KDM4B: variants seen among roughly 807,000 people sequenced by gnomAD.
The protein encoded by KDM4B is lysine demethylase 4B.
A neutral mutation model predicts 125.2 loss-of-function variants in KDM4B; 32 were observed. The observed-to-expected ratio is 0.26, with a 90% CI of 0.19 to 0.34. The LOEUF is 0.34. Among genes scored for constraint, KDM4B ranks in the 10% least tolerant of loss-of-function variants. KDM4B has a pLI of 1.00. For missense variants in KDM4B, 1,190 were observed against 1,577.7 expected (o/e 0.75, Z 4.16); for synonymous variants, 721 against 677.9 (o/e 1.06, Z -0.99).
At chr19:5,014,573 C>A (rs1293351830) in intron 1 of KDM4B, among the ~76,000 whole-genome samples, 3 of 152,000 alleles carry the variant, frequency 2.0e-5, no homozygotes, top group Non-Finnish European at 4.4e-5. Context: ...CCGCGCCTGG[C>A]CTAAGTTTTA....
intron 6 of KDM4B, among the ~76,000 whole-genome samples, chr19:5,069,032 G>A (rs2037864354): frequency 6.6e-6 from 1 of 152,036 alleles, no homozygotes; most frequent in South Asian, 2.1e-4. Flanking sequence ...TGTGCGGAGG[G>A]GTCTTTAATC....
At chr19:4,995,576 G>T (rs887874640) in intron 1 of KDM4B, among the ~76,000 whole-genome samples, 5 of 152,112 alleles carry the variant, frequency 3.3e-5, no homozygotes, top group African/African-American at 1.2e-4. Flanking sequence ...TCTGTGCCTG[G>T]CCGAGGCTTG....
At chr19:5,038,950 C>T (rs1171573295) in intron 3 of KDM4B, among the ~76,000 whole-genome samples, 1 of 152,236 alleles carries the variant, frequency 6.6e-6, no homozygotes, top group African/African-American at 2.4e-5. Context: ...TTTCCTAGCT[C>T]CTAGAACTTG....
rs117016064 is a variant in KDM4B at position 4,978,083 on chromosome 19, T to C, written c.-109+8853T>C. On this transcript the variant is annotated intron_variant, in intron 1 of 22. Coordinates refer to ENST00000159111, the MANE Select transcript of KDM4B (RefSeq NM_015015.3). ...TGTCTTGCTCAGGAGAGAGAGAAGA[T>C]TGCCGTCCCTAGCATGCACTTGAGT... is the stretch of plus-strand genomic sequence containing the variant. Among the ~76,000 whole-genome samples the C allele has an allele frequency of 5.4e-3, 819 of 152,254 alleles. 22 individuals are homozygous for C. Among genetic ancestry groups the C allele is most frequent in the Admixed American group, 0.033 (502 of 15,296 alleles).
At chr19:4,984,774 G>A (rs1056697749) in intron 1 of KDM4B, among the ~76,000 whole-genome samples, 1 of 152,172 alleles carries the variant, frequency 6.6e-6, no homozygotes, top group African/African-American at 2.4e-5. Context: ...CTGTCCCCTG[G>A]CTCGGACAGA....
At chr19:4,994,565 CAAAAAA>C (rs397820720) in intron 1 of KDM4B, among the ~76,000 whole-genome samples, 27 of 45,694 alleles carry the variant, frequency 5.9e-4, no homozygotes, top group African/African-American at 1.5e-3. Flanking sequence ...CTCTGTCTCT[CAAAAAA>C]AAAAAAAAAA....
chr19:5,092,564 C>G (rs1021099698), intron 9 of KDM4B, among the ~76,000 whole-genome samples: 2 of 152,152 alleles, frequency 1.3e-5, no homozygotes, highest in African/African-American at 2.4e-5. Context: ...GCTCGAGGGC[C>G]TTTGCCAGCT....
Position 4,990,609 on chromosome 19 carries a change from T to C in KDM4B, c.-109+21379T>C, listed in dbSNP as rs367848610. The stretch of plus-strand genomic sequence containing the variant: ...TGTTTTAATACTGTCATTATGGAAG[T>C]TGGCCTGGGGGTAATCCAGTGTCTC... On this transcript the variant is annotated intron_variant, in intron 1 of 22. Transcript: ENST00000159111. Among the ~76,000 whole-genome samples the C allele has an allele frequency of 2.8e-4, 43 of 152,318 alleles. No individual in the cohort carries two copies. The South Asian group carries it at 8.1e-3, about 29-fold the overall frequency.
At chr19:4,990,703 A>G (rs749854661) in intron 1 of KDM4B, among the ~76,000 whole-genome samples, 5 of 152,196 alleles carry the variant, frequency 3.3e-5, no homozygotes, top group Admixed American at 6.5e-5. Context: ...TTTGGGGAGA[A>G]TATTCGATGA....
intron 1 of KDM4B, among the ~76,000 whole-genome samples, chr19:4,975,970 C>G (rs950982102): frequency 6.6e-6 from 1 of 150,590 alleles, no homozygotes; most frequent in Non-Finnish European, 1.5e-5. Context: ...TGGGGCATGG[C>G]CGGGTGCGGT....
intron 9 of KDM4B, among the ~76,000 whole-genome samples, chr19:5,106,502 C>T (rs530133178): frequency 5.3e-5 from 8 of 152,154 alleles, no homozygotes; most frequent in Non-Finnish European, 7.4e-5. Flanking sequence ...GAGTAGGGGC[C>T]GTGATGCTGA....
At chr19:5,001,746 C>T (rs578210253) in intron 1 of KDM4B, among the ~76,000 whole-genome samples, 4 of 152,318 alleles carry the variant, frequency 2.6e-5, no homozygotes, top group East Asian at 1.9e-4. Context: ...TGTTTCATGT[C>T]TAAATACTTG....
intron 9 of KDM4B, among the ~76,000 whole-genome samples, chr19:5,085,379 G>A (rs1297412809): frequency 2.6e-5 from 4 of 152,208 alleles, no homozygotes; most frequent in African/African-American, 7.2e-5. Flanking sequence ...AGGACACCAC[G>A]GGTGTTGTGA....
intron 1 of KDM4B, among the ~76,000 whole-genome samples, chr19:5,004,754 G>A (rs917462419): frequency 6.6e-6 from 1 of 152,158 alleles, no homozygotes; most frequent in Non-Finnish European, 1.5e-5. Context: ...AATGGTCACA[G>A]GTGGGCAGTA....
rs560213282 is a variant in KDM4B, at chr19:4,991,446, G to A, written c.-109+22216G>A. On this transcript the variant is annotated intron_variant, in intron 1 of 22. Transcript: ENST00000159111. ...CTGGGCAACACAGTGAGACCCTGTC[G>A]CTACAAAAGCAAAAATAAGAATGAA... Among the ~76,000 whole-genome samples, 11 of 152,254 alleles carry A rather than the reference G, an allele frequency of 7.2e-5. No homozygotes were observed. In the South Asian group the frequency reaches 2.3e-3, roughly 32 times the overall value.
chr19:5,047,757 C>A, intron 6 of KDM4B, 88 bp downstream of exon 6: 1 of 1,369,028 alleles, frequency 7.3e-7, no homozygotes, highest in Non-Finnish European at 1.0e-6. Context: ...GGCGCCGTGG[C>A]AGGGGCCCCA....
At chr19:5,001,343 C>T (rs2035378128) in intron 1 of KDM4B, among the ~76,000 whole-genome samples, 1 of 152,138 alleles carries the variant, frequency 6.6e-6, no homozygotes, top group African/African-American at 2.4e-5. Context: ...TTCTTTCGCA[C>T]GTGAAAGTGG....
intron 9 of KDM4B, among the ~76,000 whole-genome samples, chr19:5,089,134 G>C (rs142178115): frequency 6.6e-6 from 1 of 152,334 alleles, no homozygotes; most frequent in East Asian, 1.9e-4. Flanking sequence ...CCCACTCTGT[G>C]AATACACAAG....
Position 4,969,161 on chromosome 19 carries a change from G to T in KDM4B, c.-178G>T, listed in dbSNP as rs947722957. ...GCGGGGCCCGGCCCGAGCGGGGCCTGGGGGTGCGACGCCGAGGGCGGGGGA... is the reference window on the plus strand; with the variant it reads ...GCGGGGCCCGGCCCGAGCGGGGCCTTGGGGTGCGACGCCGAGGGCGGGGGA... On this transcript the variant is annotated 5_prime_UTR_variant, in exon 1 of 23. Coordinates refer to ENST00000159111, the MANE Select transcript of KDM4B (RefSeq NM_015015.3). 2.0e-5 allele frequency: 3 copies of T among 150,608 alleles called. No individual in the cohort carries two copies. Among genetic ancestry groups the T allele is most frequent in the Non-Finnish European group, 4.4e-5 (3 of 67,634 alleles). The allele number at this position is 150,608 out of a possible 1,614,324, so 9.3% of individuals were successfully genotyped here. A position where few individuals can be genotyped will look rare whatever the true frequency, so the allele number is the denominator to read the frequency against.
Sources: allele counts gnomAD v4.1 joint callset (sites outside exome capture counted in the v4.1 genomes callset), GRCh38; gene constraint gnomAD v4.1.1; transcripts MANE v1.5; gene names NCBI Gene and HGNC (gene_info 2026-07-23, HGNC 2026-07-21).